Variants in SPTBN4 observed in about 807,000 individuals in gnomAD.
SPTBN4 encodes the protein spectrin beta, non-erythrocytic 4.
SPTBN4 carries 96 observed loss-of-function variants against 277.8 expected under a neutral mutation model. The ratio of observed to expected loss-of-function variants is 0.35; its 90% CI spans 0.29 to 0.41. SPTBN4 has a LOEUF of 0.41. Among genes scored for constraint, SPTBN4 ranks in the 10% least tolerant of loss-of-function variants. The probability of loss-of-function intolerance (pLI) is 1.00; values close to 1 mark genes in which losing one functional copy is unlikely to be tolerated. For missense variants in SPTBN4, 3,006 were observed against 3,595.7 expected (o/e 0.84, Z 4.19); for synonymous variants, 1,481 against 1,580.3 (o/e 0.94, Z 1.49).
Position 40,572,176 on chromosome 19 carries a change from C to A in SPTBN4, c.7477C>A (p.His2493Asn). 1 of 1,600,210 alleles carries A rather than the reference C, an allele frequency of 6.2e-7. No individual in the cohort carries two copies. Among genetic ancestry groups the A allele is most frequent in the Non-Finnish European group, 8.5e-7 (1 of 1,171,708 alleles). The change falls in exon 34 of 36, where the codon CAT (histidine) becomes AAT (asparagine). Residue 2493 changes from histidine to asparagine, a missense_variant. His to Asn is a moderately conservative substitution (Grantham distance 68). Transcript: ENST00000598249. ...EVASDYKKKKHVFKLQTQDGS... is the reference protein window; with the variant it reads ...EVASDYKKKKNVFKLQTQDGS... ...GGCTAGTGACTACAAGAAAAAGAAG[C>A]ATGTCTTCAAGCTCCAGTGAGCCCC... is the stretch of plus-strand genomic sequence containing the variant.
Position 40,567,927 on chromosome 19 carries a change from A to G in SPTBN4, c.6601A>G (p.Arg2201Gly). 6.6e-7 allele frequency: 1 copy of G among 1,520,074 alleles called. No homozygotes were observed. The highest frequency in any genetic ancestry group is 1.2e-5 in the South Asian group (1 of 81,596). 94.2% of individuals were successfully genotyped at this position (1,520,074 alleles called of 1,614,324 possible). ...TGACCGGCTGCCGGAGATCCCGGGGAGGGTGGAGCCCGCGGCCCTGCCGGC... is the reference window on the plus strand; with the variant it reads ...TGACCGGCTGCCGGAGATCCCGGGGGGGGTGGAGCCCGCGGCCCTGCCGGC... The part of the protein sequence containing the change: ...RIDRLPEIPG[R>G]VEPAALPAAP... The change falls in exon 31 of 36, where the codon AGG becomes GGG. Residue 2201 changes from arginine to glycine, a missense_variant. By Grantham distance (125) the Arg-to-Gly change is moderately radical. Transcript: ENST00000598249.
At chr19:40,575,139 G>A (rs1182751922) in intron 35 of SPTBN4, among the ~76,000 whole-genome samples, 1 of 151,914 alleles carries the variant, frequency 6.6e-6, no homozygotes, top group Non-Finnish European at 1.5e-5. Flanking sequence ...TGCTCTAGTA[G>A]TGCCTGCCCA....
At chr19:40,527,693 A>T (rs1404900496) in intron 17 of SPTBN4, among the ~76,000 whole-genome samples, 1 of 152,108 alleles carries the variant, frequency 6.6e-6, no homozygotes, top group Non-Finnish European at 1.5e-5. Context: ...GTTACCACAG[A>T]GTGAGGGGGA....
Position 40,467,192 on chromosome 19 carries a change from C to T in SPTBN4, c.-129C>T, listed in dbSNP as rs1599696287. ...TGGCTGAGCCGCGGGCCGGCGGGGC[C>T]GAGCTGAGCCGGGCTGGGCCGGGCC... is the stretch of plus-strand genomic sequence containing the variant. On this transcript the variant is annotated 5_prime_UTR_variant, in exon 1 of 36. Coordinates refer to ENST00000598249, the MANE Select transcript of SPTBN4 (RefSeq NM_020971.3). 1 of 149,726 alleles carries T rather than the reference C, an allele frequency of 6.7e-6. No homozygotes were observed. The highest frequency in any genetic ancestry group is 2.4e-5 in the African/African-American group (1 of 40,986). The allele number at this position is 149,726 out of a possible 1,614,324, so 9.3% of individuals were successfully genotyped here.
chr19:40,515,385 T>A lies in SPTBN4; in HGVS notation c.2840T>A (p.Leu947Gln). 2 of 1,602,910 alleles carry A rather than the reference T, an allele frequency of 1.2e-6. No individual in the cohort carries two copies. The highest frequency in any genetic ancestry group is 1.7e-6 in the Non-Finnish European group (2 of 1,174,768). The change falls in exon 15 of 36, where the codon CTG becomes CAG. Residue 947 changes from leucine to glutamine, a missense_variant. Physicochemically the swap from Leu to Gln is moderately radical, Grantham distance 113 (BLOSUM62 -2). Transcript: ENST00000598249. The surrounding 1 kb of genome is among the most constrained non-coding windows in gnomAD (Gnocchi z 4.1). ...GACGTGAACCACACAGTCCAGGAGC[T>A]GGTGGAAGGAGGCCACCCCAGTTCA... is the stretch of plus-strand genomic sequence containing the variant. ...VLDVNHTVQE[L>Q]VEGGHPSSDE...
At chr19:40,539,718 G>C (rs1215428122) in intron 20 of SPTBN4, among the ~76,000 whole-genome samples, 1 of 150,866 alleles carries the variant, frequency 6.6e-6, no homozygotes, top group African/African-American at 2.4e-5. Context: ...GACCTCAAGT[G>C]ATCCACCCAC....
At chr19:40,491,713 CAAAAAAAAAA>C (rs35237688) in intron 4 of SPTBN4, among the ~76,000 whole-genome samples, 2 of 38,800 alleles carry the variant, frequency 5.2e-5, no homozygotes, top group African/African-American at 1.3e-4. Flanking sequence ...GACTCTGTCT[CAAAAAAAAAA>C]AAAAAAAAAA....
chr19:40,499,114 C>T (rs1428400048), intron 7 of SPTBN4, among the ~76,000 whole-genome samples: 21 of 151,832 alleles, frequency 1.4e-4, no homozygotes, highest in Admixed American at 1.3e-3. Flanking sequence ...CTGCAACCTC[C>T]GCCTCCCGGG....
rs779811368 is a variant in SPTBN4 at position 40,509,667 on chromosome 19, A to G, written c.1817-2939A>G. On this transcript the variant is annotated intron_variant, in intron 13 of 35. Coordinates refer to ENST00000598249, the MANE Select transcript of SPTBN4 (RefSeq NM_020971.3). ...AGGCCCAGGCCATGGAGCTGATAAG[A>G]GGGTCTTGAGGCTGGTCCGTATCTC... 9.2e-5 allele frequency among the ~76,000 whole-genome samples: 14 copies of G among 152,248 alleles called. No homozygotes were observed. In the East Asian group the frequency reaches 1.2e-3, roughly 13 times the overall value.
chr19:40,519,728 T>A lies in SPTBN4; in HGVS notation c.3231T>A (p.Ala1077=). Residue 1077 remains alanine (A), a synonymous_variant, in exon 16 of 36, where the codon GCT becomes GCA. Transcript: ENST00000598249. This position sits in a 1 kb window ranked among gnomAD's most constrained non-coding sequence, Gnocchi z 5.7. ...AGTGGGGCGCGCTAGCTAGCGCGGC[T>A]CAGGCCTGCGGCGAGGCGGTGGCGG... The part of the protein sequence containing the change: ...GAEWGALASA[A]QACGEAVAAA... 1.4e-6 allele frequency: 2 copies of A among 1,404,480 alleles called. No individual in the cohort carries two copies. Among genetic ancestry groups the A allele is most frequent in the Non-Finnish European group, 1.8e-6 (2 of 1,091,638 alleles). 87.0% of individuals were successfully genotyped at this position (1,404,480 alleles called of 1,614,324 possible). A position where few individuals can be genotyped will look rare whatever the true frequency, so the allele number is the denominator to read the frequency against.
chr19:40,510,646 T>C (rs1418971650), intron 13 of SPTBN4, among the ~76,000 whole-genome samples: 1 of 152,176 alleles, frequency 6.6e-6, no homozygotes, highest in Admixed American at 6.5e-5. Flanking sequence ...GGATACCTTG[T>C]GGTTTGAGTC....
At chr19:40,507,354 G>T (rs1323137200) in intron 13 of SPTBN4, among the ~76,000 whole-genome samples, 1 of 151,844 alleles carries the variant, frequency 6.6e-6, no homozygotes, top group Non-Finnish European at 1.5e-5. Context: ...TCTGGGGAAG[G>T]GTGGGTTTTA....
chr19:40,500,868 AGAAAGGAAAG>A (rs141689236), intron 7 of SPTBN4, among the ~76,000 whole-genome samples: 4 of 151,912 alleles, frequency 2.6e-5, no homozygotes, highest in African/African-American at 9.7e-5. Context: ...GAAAAAGAAA[AGAAAGGAAAG>A]GAAAGGAAAG....
intron 22 of SPTBN4, among the ~76,000 whole-genome samples, chr19:40,551,143 C>T (rs960090069): frequency 1.3e-5 from 2 of 152,028 alleles, no homozygotes; most frequent in Non-Finnish European, 2.9e-5. Context: ...AGGGGGTTTC[C>T]CAAAGGAAAA....
At position 40,565,585 on chromosome 19, in the gene SPTBN4, C is replaced by G. The variant is rs554963965; in HGVS notation, c.6054+24C>G. 1.9e-6 allele frequency: 3 copies of G among 1,607,080 alleles called. No individual in the cohort carries two copies. In the African/African-American group the frequency reaches 4.0e-5, roughly 21 times the overall value. On this transcript the variant is annotated intron_variant, in intron 28 of 35. Coordinates refer to ENST00000598249, the MANE Select transcript of SPTBN4 (RefSeq NM_020971.3). Reference sequence around the variant, plus strand: ...AGGTGGGGAGCAGGGAGGGGGTCCCCCTCTGCCACCCGGGCACATTGGGGT... The same window carrying G: ...AGGTGGGGAGCAGGGAGGGGGTCCCGCTCTGCCACCCGGGCACATTGGGGT...
At position 40,519,846 on chromosome 19, in the gene SPTBN4, C is replaced by A. The variant is rs1262728290; in HGVS notation, c.3349C>A (p.Pro1117Thr). 4.8e-6 allele frequency: 7 copies of A among 1,445,364 alleles called. No homozygotes were observed. The highest frequency in any genetic ancestry group is 5.4e-6 in the Non-Finnish European group (6 of 1,112,838). The allele number at this position is 1,445,364 out of a possible 1,614,324, so 89.5% of individuals were successfully genotyped here. Residue 1117 changes from proline to threonine, a missense_variant, in exon 16 of 36, where the codon CCC becomes ACC. Pro to Thr is a conservative substitution (Grantham distance 38). Transcript: ENST00000598249. This position sits in a 1 kb window ranked among gnomAD's most constrained non-coding sequence, Gnocchi z 5.7. Reference protein sequence around the residue: ...AQEAAGGSEGPLPNSLEEADA... With the variant: ...AQEAAGGSEGTLPNSLEEADA... The stretch of plus-strand genomic sequence containing the variant: ...GGAGGCGGCGGGCGGCAGCGAGGGG[C>A]CCCTGCCCAACAGCCTAGAAGAGGC...
intron 2 of SPTBN4, among the ~76,000 whole-genome samples, chr19:40,484,871 G>T (rs1225928967): frequency 6.6e-6 from 1 of 151,944 alleles, no homozygotes; most frequent in African/African-American, 2.4e-5. Context: ...GGCAAAGCTT[G>T]CAGTGAGCTG....
intron 2 of SPTBN4, among the ~76,000 whole-genome samples, chr19:40,478,631 T>G (rs1275945606): frequency 1.3e-5 from 2 of 151,958 alleles, no homozygotes; most frequent in Non-Finnish European, 2.9e-5. Flanking sequence ...CTACAACCTC[T>G]GCCTCCTGGG....
At chr19:40,512,518 A>G in intron 13 of SPTBN4, 88 bp from the exon 14 acceptor site, 1 of 1,403,664 alleles carries the variant, frequency 7.1e-7, no homozygotes, top group East Asian at 2.9e-5. Context: ...AAGTCACACC[A>G]AGGACAGGGT....
Sources: allele counts gnomAD v4.1 joint callset (sites outside exome capture counted in the v4.1 genomes callset), GRCh38; gene constraint gnomAD v4.1.1; non-coding constraint Gnocchi (gnomAD v3.1); transcripts MANE v1.5; gene names NCBI Gene and HGNC (gene_info 2026-07-23, HGNC 2026-07-21).